Variants in ZNF808 observed in about 807,000 individuals in gnomAD.
The protein encoded by ZNF808 is zinc finger protein 808.
ZNF808 carries 5 observed loss-of-function variants against 8.7 expected under a neutral mutation model. The observed-to-expected ratio is 0.58, with a 90% CI of 0.30 to 1.21. The LOEUF is 1.21. Ranked by LOEUF, ZNF808 falls within the 50% of genes most tolerant of loss-of-function variation. ZNF808 has a pLI of 0.07. For synonymous variants in ZNF808, 380 were observed against 366.0 expected (o/e 1.04, Z -0.44); for missense variants, 1,103 against 1,098.4 (o/e 1.00, Z -0.06).
chr19:52,530,373 A>G (rs374254401), intron 1 of ZNF808, among the ~76,000 whole-genome samples: 2 of 151,914 alleles, frequency 1.3e-5, no homozygotes, highest in Non-Finnish European at 2.9e-5. Flanking sequence ...AGTAGTTTTT[A>G]AAAGGGACAT....
intron 2 of ZNF808, chr19:52,535,926 C>G (rs533775239): frequency 6.6e-6 from 1 of 151,798 alleles, no homozygotes; most frequent in South Asian, 2.0e-4. Context: ...TGCCTCGCGC[C>G]CCGCCTCTAC....
intron 3 of ZNF808, among the ~76,000 whole-genome samples, chr19:52,546,401 G>A (rs60238878): frequency 0.035 from 5,250 of 151,910 alleles, 279 homozygotes; most frequent in African/African-American, 0.11. Flanking sequence ...TTCCCAGGCG[G>A]GTCTCAAACT....
At chr19:52,530,662 G>GCC (rs1429321353) in intron 1 of ZNF808, among the ~76,000 whole-genome samples, 2 of 102,330 alleles carry the variant, frequency 2.0e-5, no homozygotes, top group African/African-American at 7.9e-5. Flanking sequence ...GACTCCATCT[G>GCC]ACAAAAAAAA....
At chr19:52,547,453 T>C (rs1674701503) in intron 3 of ZNF808, 59 bp from the exon 4 acceptor site, 14 of 1,609,264 alleles carry the variant, frequency 8.7e-6, no homozygotes, top group Non-Finnish European at 1.1e-5. Flanking sequence ...TCTCATTTCC[T>C]GTGAAGGTGA....
downstream of ZNF808, among the ~76,000 whole-genome samples, chr19:52,568,746 A>AG: frequency 1.3e-5 from 2 of 152,318 alleles, no homozygotes; most frequent in Middle Eastern, 3.4e-3. Context: ...TCTATAATTA[A>AG]TAATGTATTC....
At chr19:52,542,419 C>T (rs1329074419) in intron 2 of ZNF808, among the ~76,000 whole-genome samples, 4 of 152,094 alleles carry the variant, frequency 2.6e-5, no homozygotes, top group South Asian at 2.1e-4. Context: ...TCTCAGGGCC[C>T]TCACTTGAGC....
chr19:52,561,220 A>C (rs71358883), downstream of ZNF808, among the ~76,000 whole-genome samples: 895 of 96,680 alleles, frequency 9.3e-3, 4 homozygotes, highest in Non-Finnish European at 0.014. Flanking sequence ...CTCTATATAT[A>C]TATATATATA....
chr19:52,544,189 G>A (rs1404618180), intron 3 of ZNF808, among the ~76,000 whole-genome samples: 2 of 152,030 alleles, frequency 1.3e-5, no homozygotes, highest in African/African-American at 2.4e-5. Context: ...AGAAGGTGTC[G>A]CTCTGTGGCT....
intron 3 of ZNF808, 60 bp downstream of exon 3, chr19:52,543,407 T>G (rs2059691686): frequency 6.9e-6 from 11 of 1,587,584 alleles, no homozygotes; most frequent in East Asian, 4.5e-5. Context: ...TGTAGTAGTA[T>G]TATATTGTAT....
chr19:52,536,610 C>T (rs2059614138), intron 2 of ZNF808, among the ~76,000 whole-genome samples: 1 of 152,304 alleles, frequency 6.6e-6, no homozygotes, highest in South Asian at 2.1e-4. Context: ...TCCTATGACA[C>T]CGGGTATTCT....
In ZNF808 at chr19:52,547,699, G is replaced by T. The variant is rs1191054527; in HGVS notation, c.190+61G>T. The stretch of plus-strand genomic sequence containing the variant: ...CTCCTGTCTATCTTGGCTCTTCCTG[G>T]TTTTGTATTCTCTTTTGTGATTTTG... On this transcript the variant is annotated intron_variant, in intron 4 of 4. Coordinates refer to ENST00000359798, the MANE Select transcript of ZNF808 (RefSeq NM_001039886.4). 2.6e-6 allele frequency: 4 copies of T among 1,546,450 alleles called. No individual in the cohort carries two copies. The Admixed American group carries it at 5.9e-5, about 23-fold the overall frequency.
downstream of ZNF808, among the ~76,000 whole-genome samples, chr19:52,557,355 C>T (rs1162150034): frequency 1.3e-5 from 2 of 151,868 alleles, no homozygotes; most frequent in African/African-American, 4.8e-5. Flanking sequence ...CAACGTCTGC[C>T]TCCCGGGTTC....
chr19:52,553,587 T>C lies in ZNF808; in HGVS notation c.671T>C (p.Val224Ala). 1.9e-6 allele frequency: 3 copies of C among 1,614,182 alleles called. No homozygotes were observed. Among genetic ancestry groups the C allele is most frequent in the Non-Finnish European group, 2.5e-6 (3 of 1,180,032 alleles). Reference protein sequence around the residue: ...NSSLLPQKQEVHMREKSFPCN... With the variant: ...NSSLLPQKQEAHMREKSFPCN... ...TCATTACTCCCACAAAAACAGGAAGTACACATGAGAGAAAAATCTTTCCCA... is the reference window on the plus strand; with the variant it reads ...TCATTACTCCCACAAAAACAGGAAGCACACATGAGAGAAAAATCTTTCCCA... Residue 224 changes from valine to alanine, a missense_variant, in exon 5 of 5, where the codon GTA becomes GCA. Coordinates refer to ENST00000359798, the MANE Select transcript of ZNF808 (RefSeq NM_001039886.4).
At chr19:52,535,469 T>G (rs1406469928) in intron 2 of ZNF808, among the ~76,000 whole-genome samples, 1 of 152,088 alleles carries the variant, frequency 6.6e-6, no homozygotes, top group Non-Finnish European at 1.5e-5. Flanking sequence ...CTCCCGCCGC[T>G]GCTTCCTGAG....
downstream of ZNF808, among the ~76,000 whole-genome samples, chr19:52,560,486 C>G (rs1162612687): frequency 6.6e-6 from 1 of 152,098 alleles, no homozygotes; most frequent in African/African-American, 2.4e-5. Context: ...CTGTACTCCT[C>G]GTAGACTTTA....
rs769629951 is a variant in ZNF808 at position 52,543,248 on chromosome 19, A to C, written c.-19-18A>C. The C allele has an allele frequency of 1.9e-6, 3 of 1,607,350 alleles. No homozygotes were observed. Reference sequence around the variant, plus strand: ...TGAGTCATTTCTAACATGAAGTCTTATTTTTTTTCACATACAGGATTGATT... The same window carrying C: ...TGAGTCATTTCTAACATGAAGTCTTCTTTTTTTTCACATACAGGATTGATT... On this transcript the variant is annotated intron_variant, in intron 2 of 4. Transcript: ENST00000359798.
chr19:52,555,013 A>C lies in ZNF808; in HGVS notation c.2097A>C (p.Arg699Ser). Residue 699 changes from arginine to serine, a missense_variant, in exon 5 of 5, where the codon AGA (arginine) becomes AGC (serine). Transcript: ENST00000359798. ...VCRSYVAKHT[R>S]IHSGMKPYKC... ...GTTCCTATGTGGCAAAACATACTAG[A>C]ATTCACAGTGGAATGAAACCTTACA... 2.5e-6 allele frequency: 4 copies of C among 1,614,048 alleles called. No individual in the cohort carries two copies. The highest frequency in any genetic ancestry group is 3.4e-6 in the Non-Finnish European group (4 of 1,179,992).
At chr19:52,565,796 T>C (rs767509234), downstream of ZNF808, among the ~76,000 whole-genome samples, 1 of 152,222 alleles carries the variant, frequency 6.6e-6, no homozygotes, top group African/African-American at 2.4e-5. Context: ...TTATTTCACC[T>C]TCCCAGATCG....
rs529322095 is a variant in ZNF808, at chr19:52,539,739, G to T, written c.-19-3527G>T. Among the ~76,000 whole-genome samples the T allele has an allele frequency of 4.0e-5, 6 of 151,400 alleles. No homozygotes were observed. In the East Asian group the frequency reaches 9.8e-4, roughly 25 times the overall value. On this transcript the variant is annotated intron_variant, in intron 2 of 4. Transcript: ENST00000359798. ...CGGCTAATTTTGTATTTTCAGTGGA[G>T]ATGGGGTTTCTCCATCTTGGTCAGG... is the stretch of plus-strand genomic sequence containing the variant.
Sources: allele counts gnomAD v4.1 joint callset (sites outside exome capture counted in the v4.1 genomes callset), GRCh38; gene constraint gnomAD v4.1.1; transcripts MANE v1.5; gene names NCBI Gene and HGNC (gene_info 2026-07-23, HGNC 2026-07-21).